Variants in KLF17 observed in about 807,000 individuals in gnomAD.
KLF17 encodes the protein Krueppel-like factor 17.
A neutral mutation model predicts 34.2 loss-of-function variants in KLF17; 31 were observed. That is an observed-to-expected ratio of 0.91 (90% CI 0.68 to 1.22). KLF17 has a LOEUF of 1.22. Among genes scored for constraint, KLF17 ranks in the 50% most tolerant of loss-of-function variants. The pLI, the probability that KLF17 is intolerant of heterozygous loss-of-function variation, is 0.00. For synonymous variants in KLF17, 179 were observed against 186.7 expected (o/e 0.96, Z 0.34); for missense variants, 478 against 505.2 (o/e 0.95, Z 0.52).
the KLF17 span, chr1:44,103,208 G>T: frequency 1.6e-6 from 1 of 624,366 alleles, no homozygotes; most frequent in Non-Finnish European, 2.9e-6. Context: ...AGCCTCAGGT[G>T]GGTCTCCCGT....
chr1:44,087,531 T>C, the KLF17 span, among the ~76,000 whole-genome samples: 1 of 151,480 alleles, frequency 6.6e-6, no homozygotes, highest in Non-Finnish European at 1.5e-5. Context: ...CCCAAAGTGC[T>C]GGGATTATAG....
chr1:44,130,855 G>C, intron 3 of KLF17, 99 bp downstream of exon 3: 1 of 1,185,840 alleles, frequency 8.4e-7, no homozygotes, highest in Admixed American at 2.2e-5. Flanking sequence ...GGAGTGCAGT[G>C]GCGCAATTCG....
At chr1:44,075,203 T>C in the KLF17 span, among the ~76,000 whole-genome samples, 1 of 152,156 alleles carries the variant, frequency 6.6e-6, no homozygotes, top group African/African-American at 2.4e-5. Flanking sequence ...AGTATAATTA[T>C]AATTCCTCAT....
At chr1:44,119,779 T>C (rs867019813) in intron 1 of KLF17, among the ~76,000 whole-genome samples, 3 of 152,320 alleles carry the variant, frequency 2.0e-5, no homozygotes, top group Admixed American at 6.5e-5. Context: ...AGGGACACCA[T>C]TGAGATCATT....
At chr1:44,122,112 C>G in intron 1 of KLF17, 1 of 1,261,144 alleles carries the variant, frequency 7.9e-7, no homozygotes, top group South Asian at 1.2e-5. Flanking sequence ...AAAAAATATC[C>G]CAAATCCCGT....
At chr1:44,097,494 G>C in the KLF17 span, among the ~76,000 whole-genome samples, 1 of 152,050 alleles carries the variant, frequency 6.6e-6, no homozygotes, top group East Asian at 1.9e-4. Context: ...TAATGTAGAC[G>C]ACAGGTTGGT....
chr1:44,065,297 A>G, the KLF17 span, among the ~76,000 whole-genome samples: 35 of 152,182 alleles, frequency 2.3e-4, no homozygotes, highest in Admixed American at 3.3e-4. Flanking sequence ...AAAAAAAAAA[A>G]AGAGAGATGT....
At chr1:44,073,766 G>T in the KLF17 span, among the ~76,000 whole-genome samples, 1 of 152,044 alleles carries the variant, frequency 6.6e-6, no homozygotes, top group Non-Finnish European at 1.5e-5. Flanking sequence ...CACTTCCCTC[G>T]GCTCCAGTGT....
the KLF17 span, among the ~76,000 whole-genome samples, chr1:44,072,366 G>A: frequency 1.6e-4 from 24 of 152,180 alleles, no homozygotes; most frequent in African/African-American, 5.3e-4. Context: ...CTGCACATTT[G>A]TGAGTCATCA....
chr1:44,084,929 A>AT, the KLF17 span, among the ~76,000 whole-genome samples: 8,830 of 104,922 alleles, frequency 0.084, 313 homozygotes, highest in South Asian at 0.19. Flanking sequence ...TAAAAATTAG[A>AT]AAAAAAAAAA....
the KLF17 span, among the ~76,000 whole-genome samples, chr1:44,100,852 CA>C: frequency 1.2e-4 from 19 of 152,260 alleles, no homozygotes; most frequent in African/African-American, 4.3e-4. Flanking sequence ...AGTATAATGA[CA>C]TGTATCCACC....
At chr1:44,121,528 A>G (rs1412358962) in intron 1 of KLF17, among the ~76,000 whole-genome samples, 1 of 152,218 alleles carries the variant, frequency 6.6e-6, no homozygotes. Flanking sequence ...CATACACTGT[A>G]TCTGGTGATT....
At chr1:44,091,874 G>A in the KLF17 span, among the ~76,000 whole-genome samples, 3 of 145,766 alleles carry the variant, frequency 2.1e-5, no homozygotes, top group Non-Finnish European at 4.5e-5. Context: ...TGGCATCACT[G>A]CACCCCAGCC....
the KLF17 span, chr1:44,103,550 C>G: frequency 6.9e-7 from 1 of 1,459,360 alleles, no homozygotes; most frequent in Non-Finnish European, 9.6e-7. Flanking sequence ...TACTCCTGTT[C>G]TGCATCCCAG....
At chr1:44,083,793 C>CAA in the KLF17 span, among the ~76,000 whole-genome samples, 19,845 of 104,126 alleles carry the variant, frequency 0.19, 2,196 homozygotes, top group South Asian at 0.3. Context: ...GACTCTGTCT[C>CAA]AAAAAAAAAA....
chr1:44,107,390 C>G, the KLF17 span, among the ~76,000 whole-genome samples: 1 of 152,160 alleles, frequency 6.6e-6, no homozygotes, highest in Non-Finnish European at 1.5e-5. Context: ...CAGGTGTGAG[C>G]CACCGCGCCT....
the KLF17 span, among the ~76,000 whole-genome samples, chr1:44,062,298 A>G: frequency 7.2e-5 from 11 of 152,362 alleles, 1 homozygote; most frequent in African/African-American, 1.7e-4. Flanking sequence ...GATCAAATAT[A>G]TAAGTAGTCA....
the KLF17 span, among the ~76,000 whole-genome samples, chr1:44,066,422 T>C: frequency 1.3e-5 from 2 of 149,632 alleles, no homozygotes. Context: ...GATGGGGTCT[T>C]GATATGTTGC....
chr1:44,057,568 CTG>C, the KLF17 span, among the ~76,000 whole-genome samples: 2 of 152,218 alleles, frequency 1.3e-5, no homozygotes, highest in Non-Finnish European at 2.9e-5. Context: ...GCTACTCCAC[CTG>C]TGTCAGCAGC....
Sources: gnomAD v4.1 joint callset for allele counts (sites outside exome capture counted in the v4.1 genomes callset) on GRCh38, gnomAD v4.1.1 for gene constraint, MANE v1.5 for transcripts, NCBI Gene and HGNC (gene_info 2026-07-23, HGNC 2026-07-21) for gene names.